Variants in SCHIP1 observed in about 807,000 individuals in gnomAD.
The protein encoded by SCHIP1 is schwannomin-interacting protein 1.
In SCHIP1, 8 loss-of-function variants were observed where a neutral mutation model predicts 29.7. The observed-to-expected ratio is 0.27, with a 90% CI of 0.16 to 0.49. The LOEUF is 0.49. Ranked by LOEUF, SCHIP1 falls within the 20% of genes least tolerant of loss-of-function variation. The pLI, the probability that SCHIP1 is intolerant of heterozygous loss-of-function variation, is 0.99. For missense variants in SCHIP1, 193 were observed against 294.6 expected (o/e 0.66, Z 2.52); for synonymous variants, 76 against 94.9 (o/e 0.80, Z 1.16).
chr3:159,475,192 G>A, the SCHIP1 span, among the ~76,000 whole-genome samples: 1 of 152,146 alleles, frequency 6.6e-6, no homozygotes. Flanking sequence ...TGCATCAACT[G>A]ATGAATGAAC....
the SCHIP1 span, chr3:159,309,036 C>T: frequency 0.12 from 18,601 of 151,808 alleles, 1,250 homozygotes; most frequent in Middle Eastern, 0.15. Context: ...GGGGTGGGTT[C>T]GAAAACTACC....
the SCHIP1 span, among the ~76,000 whole-genome samples, chr3:159,445,957 C>T: frequency 6.6e-6 from 1 of 151,662 alleles, no homozygotes; most frequent in African/African-American, 2.4e-5. Context: ...AGCACACCAG[C>T]ATGGCACATG....
chr3:159,542,283 A>G, the SCHIP1 span, among the ~76,000 whole-genome samples: 1 of 152,194 alleles, frequency 6.6e-6, no homozygotes, highest in South Asian at 2.1e-4. Flanking sequence ...GATACTTTTG[A>G]CATATGTATA....
chr3:159,858,553 G>C (rs1713669343), intron 1 of SCHIP1, among the ~76,000 whole-genome samples: 2 of 152,122 alleles, frequency 1.3e-5, no homozygotes, highest in African/African-American at 4.8e-5. Context: ...AGCATAAGAA[G>C]GAATGCAGTC....
At chr3:159,848,811 G>A (rs1712184791) in intron 1 of SCHIP1, among the ~76,000 whole-genome samples, 1 of 152,158 alleles carries the variant, frequency 6.6e-6, no homozygotes, top group African/African-American at 2.4e-5. Context: ...TCACAGATAA[G>A]TGATGCCACA....
the SCHIP1 span, among the ~76,000 whole-genome samples, chr3:159,333,557 A>G: frequency 3.3e-5 from 5 of 152,136 alleles, no homozygotes; most frequent in African/African-American, 1.2e-4. Context: ...ATGAGGCTGA[A>G]ATTAAAATTC....
the SCHIP1 span, among the ~76,000 whole-genome samples, chr3:159,304,274 A>C: frequency 6.6e-6 from 1 of 152,170 alleles, no homozygotes; most frequent in South Asian, 2.1e-4. Flanking sequence ...CATCATTTTA[A>C]AGACCAGTTA....
At chr3:159,717,727 G>A in the SCHIP1 span, among the ~76,000 whole-genome samples, 1 of 152,138 alleles carries the variant, frequency 6.6e-6, no homozygotes, top group Non-Finnish European at 1.5e-5. Context: ...CTGAAATTGA[G>A]GCAATAATTA....
intron 1 of SCHIP1, among the ~76,000 whole-genome samples, chr3:159,865,270 G>C (rs951939886): frequency 9.2e-5 from 14 of 152,144 alleles, no homozygotes; most frequent in African/African-American, 3.4e-4. Context: ...TTTGACTCAT[G>C]TTGTTTGTTT....
At chr3:159,847,407 C>G (rs1426201361) in intron 1 of SCHIP1, among the ~76,000 whole-genome samples, 2 of 152,120 alleles carry the variant, frequency 1.3e-5, no homozygotes, top group Non-Finnish European at 2.9e-5. Context: ...ACTTAGTATT[C>G]CCCTGTGCAC....
the SCHIP1 span, among the ~76,000 whole-genome samples, chr3:159,696,484 A>G: frequency 1.3e-5 from 2 of 152,282 alleles, no homozygotes; most frequent in African/African-American, 4.8e-5. Context: ...GGCGCCCTTC[A>G]TTTGGGTTCC....
intron 6 of SCHIP1, among the ~76,000 whole-genome samples, chr3:159,895,527 A>C (rs1256102155): frequency 6.6e-6 from 1 of 152,170 alleles, no homozygotes; most frequent in Admixed American, 6.5e-5. Flanking sequence ...GCAGCCTTCA[A>C]ACCCCATCAT....
At chr3:159,674,875 G>T in the SCHIP1 span, among the ~76,000 whole-genome samples, 13 of 152,180 alleles carry the variant, frequency 8.5e-5, no homozygotes, top group Non-Finnish European at 1.9e-4. Context: ...GGATCAGGGA[G>T]AGATGGTGAA....
chr3:159,514,558 C>T, the SCHIP1 span, among the ~76,000 whole-genome samples: 1 of 152,208 alleles, frequency 6.6e-6, no homozygotes, highest in East Asian at 1.9e-4. Flanking sequence ...GAAGTGCAGT[C>T]AAGCTGTGGC....
the SCHIP1 span, among the ~76,000 whole-genome samples, chr3:159,830,650 T>G: frequency 6.6e-6 from 1 of 152,190 alleles, no homozygotes; most frequent in Non-Finnish European, 1.5e-5. Context: ...CAGAGTATTG[T>G]TGGAAGTGGA....
chr3:159,546,418 G>A, the SCHIP1 span, among the ~76,000 whole-genome samples: 1 of 151,918 alleles, frequency 6.6e-6, no homozygotes, highest in African/African-American at 2.4e-5. Flanking sequence ...AGTTTGCTAA[G>A]TTTTTTTTAA....
At chr3:159,312,844 CA>C in the SCHIP1 span, among the ~76,000 whole-genome samples, 15 of 152,222 alleles carry the variant, frequency 9.9e-5, 1 homozygote, top group African/African-American at 3.6e-4. Flanking sequence ...CAAACCATAG[CA>C]GAACAAGGAT....
chr3:159,532,491 A>G, the SCHIP1 span, among the ~76,000 whole-genome samples: 1 of 152,178 alleles, frequency 6.6e-6, no homozygotes, highest in African/African-American at 2.4e-5. Flanking sequence ...TTTCTATGCT[A>G]TAAGCATATT....
At chr3:159,480,791 G>A in the SCHIP1 span, among the ~76,000 whole-genome samples, 1 of 152,124 alleles carries the variant, frequency 6.6e-6, no homozygotes, top group African/African-American at 2.4e-5. Context: ...CAACACCTGG[G>A]TGTCACGCAC....
Sources: allele counts gnomAD v4.1 joint callset (sites outside exome capture counted in the v4.1 genomes callset), GRCh38; gene constraint gnomAD v4.1.1; transcripts MANE v1.5; gene names NCBI Gene and HGNC (gene_info 2026-07-23, HGNC 2026-07-21).